Variants in SGCZ observed in about 807,000 individuals in gnomAD.
The protein encoded by SGCZ is sarcoglycan zeta.
A neutral mutation model predicts 41.3 loss-of-function variants in SGCZ; 40 were observed. That is an observed-to-expected ratio of 0.97 (90% CI 0.75 to 1.26). The LOEUF (loss-of-function observed/expected upper bound fraction) is 1.26. SGCZ is among the 50% of genes most tolerant of loss of function. The pLI, the probability that SGCZ is intolerant of heterozygous loss-of-function variation, is 0.00. For missense variants in SGCZ, 552 were observed against 369.8 expected (o/e 1.49, Z -4.04); for synonymous variants, 206 against 137.5 (o/e 1.50, Z -3.49).
intron 2 of SGCZ, among the ~76,000 whole-genome samples, chr8:14,539,086 G>A (rs531118200): frequency 6.6e-6 from 1 of 152,036 alleles, no homozygotes; most frequent in South Asian, 2.1e-4. Flanking sequence ...ATATGAGTGG[G>A]CCTCATCCAA....
intron 2 of SGCZ, among the ~76,000 whole-genome samples, chr8:14,407,626 T>G (rs1362103090): frequency 1.3e-5 from 2 of 152,198 alleles, no homozygotes; most frequent in Non-Finnish European, 2.9e-5. Flanking sequence ...AATTCATAAC[T>G]GTTGTATGCT....
At chr8:14,262,765 T>TA (rs1799718286) in intron 3 of SGCZ, among the ~76,000 whole-genome samples, 1 of 143,454 alleles carries the variant, frequency 7.0e-6, no homozygotes, top group Admixed American at 7.0e-5. Context: ...AACCTAGAAT[T>TA]AAAAAAATCA....
chr8:14,215,114 G>A (rs776287301), intron 4 of SGCZ, among the ~76,000 whole-genome samples: 1 of 152,136 alleles, frequency 6.6e-6, no homozygotes, highest in East Asian at 1.9e-4. Flanking sequence ...GCACTTCCTG[G>A]TCCTAACAAG....
intron 1 of SGCZ, among the ~76,000 whole-genome samples, chr8:15,071,529 T>C (rs1406504290): frequency 6.6e-6 from 1 of 152,158 alleles, no homozygotes; most frequent in Non-Finnish European, 1.5e-5. Flanking sequence ...CCAATAAGGA[T>C]CAAATAAAAC....
intron 2 of SGCZ, among the ~76,000 whole-genome samples, chr8:14,465,761 A>G (rs1203656988): frequency 1.3e-5 from 2 of 151,790 alleles, no homozygotes; most frequent in Non-Finnish European, 3.0e-5. Flanking sequence ...AATAACGTAG[A>G]AAACTCTGCT....
At chr8:14,845,555 G>C (rs932406297) in intron 1 of SGCZ, among the ~76,000 whole-genome samples, 12 of 152,098 alleles carry the variant, frequency 7.9e-5, no homozygotes, top group Admixed American at 6.5e-4. Flanking sequence ...AGTTGACAAA[G>C]ATGTTAGAAT....
intron 1 of SGCZ, among the ~76,000 whole-genome samples, chr8:14,622,354 A>C (rs1219978968): frequency 1.3e-5 from 2 of 152,122 alleles, no homozygotes; most frequent in Non-Finnish European, 2.9e-5. Flanking sequence ...GGTCAGGACT[A>C]TGTTCTTATT....
chr8:15,228,808 C>T (rs1801853909), intron 1 of SGCZ, among the ~76,000 whole-genome samples: 1 of 152,186 alleles, frequency 6.6e-6, no homozygotes, highest in African/African-American at 2.4e-5. Flanking sequence ...ACCAATTACA[C>T]AACTATCGTA....
chr8:14,325,771 T>C (rs758536259), intron 2 of SGCZ, among the ~76,000 whole-genome samples: 25,638 of 118,774 alleles, frequency 0.22, 2,781 homozygotes, highest in East Asian at 0.4. Context: ...TATATATATA[T>C]ATATATATAT....
chr8:14,928,016 C>G (rs1005714318), intron 1 of SGCZ, among the ~76,000 whole-genome samples: 1 of 152,134 alleles, frequency 6.6e-6, no homozygotes, highest in East Asian at 1.9e-4. Context: ...ACTCCAGATT[C>G]TTGAGTGTTT....
intron 5 of SGCZ, among the ~76,000 whole-genome samples, chr8:14,152,257 A>T (rs1002792882): frequency 1.3e-5 from 2 of 152,188 alleles, no homozygotes; most frequent in Non-Finnish European, 2.9e-5. Context: ...CAAAGAATTC[A>T]ATTAGCAAAT....
chr8:14,594,552 A>G (rs1456173105), intron 1 of SGCZ, among the ~76,000 whole-genome samples: 2 of 150,302 alleles, frequency 1.3e-5, no homozygotes, highest in Non-Finnish European at 2.9e-5. Context: ...AAGCATGGTG[A>G]TGATGCATAA....
At chr8:15,018,149 AC>A (rs1467226061) in intron 1 of SGCZ, among the ~76,000 whole-genome samples, 2 of 151,956 alleles carry the variant, frequency 1.3e-5, no homozygotes, top group East Asian at 1.9e-4. Context: ...CACATAAGCC[AC>A]CCCCCAGCAC....
intron 1 of SGCZ, among the ~76,000 whole-genome samples, chr8:14,953,336 G>A (rs1445807463): frequency 2.0e-5 from 3 of 152,108 alleles, no homozygotes; most frequent in African/African-American, 7.2e-5. Context: ...CAGATGTCTT[G>A]AGAACTCTGT....
At chr8:14,150,291 G>T (rs1472573121) in intron 5 of SGCZ, among the ~76,000 whole-genome samples, 3 of 151,940 alleles carry the variant, frequency 2.0e-5, no homozygotes, top group East Asian at 2.0e-4. Flanking sequence ...TCTGACAAGG[G>T]ATTAATAACC....
intron 2 of SGCZ, among the ~76,000 whole-genome samples, chr8:14,523,136 G>A (rs917693949): frequency 4.6e-5 from 7 of 151,576 alleles, no homozygotes; most frequent in African/African-American, 1.5e-4. Context: ...TATCTCTCCC[G>A]CTTACATTTA....
At chr8:14,860,716 AAG>A (rs1318675309) in intron 1 of SGCZ, among the ~76,000 whole-genome samples, 1 of 147,742 alleles carries the variant, frequency 6.8e-6, no homozygotes, top group Non-Finnish European at 1.5e-5. Context: ...AAGAGAAAGA[AAG>A]AAAGAAAGAA....
At chr8:15,144,686 C>T (rs2117004675) in intron 1 of SGCZ, among the ~76,000 whole-genome samples, 1 of 152,308 alleles carries the variant, frequency 6.6e-6, no homozygotes, top group South Asian at 2.1e-4. Context: ...GAACTCCCGA[C>T]CTCAGGTGGT....
intron 3 of SGCZ, among the ~76,000 whole-genome samples, chr8:14,269,629 T>G (rs1799996159): frequency 1.3e-5 from 2 of 152,148 alleles, no homozygotes; most frequent in African/African-American, 4.8e-5. Flanking sequence ...TTGATCTCCA[T>G]GTCAGATAAA....
Sources: allele counts gnomAD v4.1 joint callset (sites outside exome capture counted in the v4.1 genomes callset), GRCh38; gene constraint gnomAD v4.1.1; transcripts MANE v1.5; gene names NCBI Gene and HGNC (gene_info 2026-07-23, HGNC 2026-07-21).